The following CAMSAP2 variants were observed in gnomAD, a reference collection of about 807,000 sequenced individuals.
CAMSAP2 encodes calmodulin-regulated spectrin-associated protein 2.
CAMSAP2 carries 26 observed loss-of-function variants against 146.1 expected under a neutral mutation model. That is an observed-to-expected ratio of 0.18 (90% CI 0.13 to 0.25). The LOEUF (loss-of-function observed/expected upper bound fraction) is 0.25. Among genes scored for constraint, CAMSAP2 ranks in the 10% least tolerant of loss-of-function variants. The probability of loss-of-function intolerance (pLI) is 1.00; values close to 1 mark genes in which losing one functional copy is unlikely to be tolerated. For synonymous variants in CAMSAP2, 499 were observed against 596.6 expected, an observed-to-expected ratio of 0.84 and a Z score of 2.38; for missense variants, 1,381 against 1,759.3, an observed-to-expected ratio of 0.78 and a Z score of 3.85.
At chr1:200,764,986 C>A (rs1163080829) in intron 2 of CAMSAP2, among the ~76,000 whole-genome samples, 1 of 151,992 alleles carries the variant, frequency 6.6e-6, no homozygotes, top group Non-Finnish European at 1.5e-5. Context: ...CACCTGTAAT[C>A]CCAGCTACAT....
intron 4 of CAMSAP2, chr1:200,828,684 G>A: frequency 3.1e-6 from 4 of 1,286,464 alleles, no homozygotes; most frequent in South Asian, 1.3e-5. Context: ...TGCTGTTAAA[G>A]TCATTTCATG....
At chr1:200,748,887 C>G (rs1664419950) in intron 1 of CAMSAP2, among the ~76,000 whole-genome samples, 1 of 151,686 alleles carries the variant, frequency 6.6e-6, no homozygotes, top group Non-Finnish European at 1.5e-5. Context: ...AATAAATTTC[C>G]CTTTATTATT....
intron 2 of CAMSAP2, among the ~76,000 whole-genome samples, chr1:200,763,268 G>T (rs980662378): frequency 2.6e-5 from 4 of 152,154 alleles, no homozygotes; most frequent in African/African-American, 9.7e-5. Context: ...GCTGGGTGTG[G>T]TAGCTCACGC....
rs1049820411 is a variant in CAMSAP2 at position 200,828,734 on chromosome 1, T to C, written c.646-3466T>C. 7 of 842,664 alleles carry C rather than the reference T, an allele frequency of 8.3e-6. No individual in the cohort carries two copies. In the Admixed American group the frequency reaches 1.6e-4, roughly 19 times the overall value. 52.2% of individuals were successfully genotyped at this position (842,664 alleles called of 1,614,324 possible). On this transcript the variant is annotated intron_variant, in intron 4 of 16. Coordinates refer to ENST00000358823, the MANE Select transcript of CAMSAP2 (RefSeq NM_203459.4). ...ATTGAATAGAGATTGGATTTTAAGG[T>C]CATGTAAAATGGAAAGATAAAAGAT... is the stretch of plus-strand genomic sequence containing the variant.
At chr1:200,781,253 T>C (rs1665420415) in intron 2 of CAMSAP2, among the ~76,000 whole-genome samples, 1 of 152,224 alleles carries the variant, frequency 6.6e-6, no homozygotes, top group African/African-American at 2.4e-5. Flanking sequence ...GTACGGCATA[T>C]GTGACTGTTT....
At chr1:200,828,857 TA>T (rs904722121) in intron 4 of CAMSAP2, among the ~76,000 whole-genome samples, 79 of 145,380 alleles carry the variant, frequency 5.4e-4, no homozygotes, top group Admixed American at 8.3e-4. Context: ...GTAAGTAGGT[TA>T]AAAAAAAAAA....
Position 200,857,391 on chromosome 1 carries a change from A to G in CAMSAP2, c.4098A>G (p.Lys1366=). Residue 1366 remains lysine (K), a synonymous_variant, in exon 16 of 17, where the codon AAA becomes AAG. Transcript: ENST00000358823. The surrounding 1 kb of genome is among the most constrained non-coding windows in gnomAD (Gnocchi z 4.7). ...TAGCTCATTGCTGTTTGGCTGGAAAAGTAAATGAAGGTCAGAAGAAAAAAA... is the reference window on the plus strand; with the variant it reads ...TAGCTCATTGCTGTTTGGCTGGAAAGGTAAATGAAGGTCAGAAGAAAAAAA... ...NALAHCCLAG[K]VNEGQKKKIL... 1 of 1,613,460 alleles carries G rather than the reference A, an allele frequency of 6.2e-7. No homozygotes were observed. The highest frequency in any genetic ancestry group is 1.1e-5 in the South Asian group (1 of 91,054).
intron 4 of CAMSAP2, among the ~76,000 whole-genome samples, chr1:200,816,802 G>T (rs1235674098): frequency 1.1e-5 from 1 of 89,900 alleles, no homozygotes; most frequent in Non-Finnish European, 2.1e-5. Flanking sequence ...ACACACACAC[G>T]CGTGTATATA....
chr1:200,759,058 C>T (rs993702707), intron 1 of CAMSAP2, among the ~76,000 whole-genome samples: 4 of 152,106 alleles, frequency 2.6e-5, no homozygotes, highest in African/African-American at 7.2e-5. Flanking sequence ...ACAAAGTCCT[C>T]GTGTTTAAAA....
Position 200,857,204 on chromosome 1 carries a change from A to G in CAMSAP2, c.4013-102A>G. The G allele has an allele frequency of 2.4e-6, 2 of 847,668 alleles. No individual in the cohort carries two copies. The highest frequency in any genetic ancestry group is 3.8e-6 in the Non-Finnish European group (2 of 526,044). The allele number at this position is 847,668 out of a possible 1,614,324, so 52.5% of individuals were successfully genotyped here. A position where few individuals can be genotyped will look rare whatever the true frequency, so the allele number is the denominator to read the frequency against. On this transcript the variant is annotated intron_variant, in intron 15 of 16. Transcript: ENST00000358823. This position sits in a 1 kb window ranked among gnomAD's most constrained non-coding sequence, Gnocchi z 4.7. ...TAAGCACAGAATTTGGTCTTCTATT[A>G]CAATATTTCAGCAGTGTAGGAACAA...
intron 11 of CAMSAP2, among the ~76,000 whole-genome samples, chr1:200,852,083 T>TA (rs1667633645): frequency 6.6e-6 from 1 of 152,212 alleles, no homozygotes; most frequent in East Asian, 1.9e-4. Flanking sequence ...TACCTCAACT[T>TA]AAAATCATGC....
At chr1:200,824,026 G>C (rs140003518) in intron 4 of CAMSAP2, among the ~76,000 whole-genome samples, 1 of 152,192 alleles carries the variant, frequency 6.6e-6, no homozygotes, top group Admixed American at 6.5e-5. Context: ...GGTTGGCTTT[G>C]GTATCTCTTG....
chr1:200,786,609 C>T (rs1333669335), intron 2 of CAMSAP2, among the ~76,000 whole-genome samples: 3 of 152,206 alleles, frequency 2.0e-5, no homozygotes, highest in African/African-American at 7.2e-5. Flanking sequence ...GTCTGGAACT[C>T]GACCTCAGGT....
Position 200,850,321 on chromosome 1 carries a change from GCTT to G in CAMSAP2, c.3465+91_3465+93del, listed in dbSNP as rs1667588585. 5 of 1,152,662 alleles carry G rather than the reference GCTT, an allele frequency of 4.3e-6. No individual in the cohort carries two copies. In the South Asian group the frequency reaches 8.7e-5, roughly 20 times the overall value. 71.4% of individuals were successfully genotyped at this position (1,152,662 alleles called of 1,614,324 possible). Reference sequence around the variant, plus strand: ...ATTTTTTTTTTCAGTTGACATGCTTGCTTCTTTCAGTAGCAGTCCCTTTTGATA... The same window carrying G: ...ATTTTTTTTTTCAGTTGACATGCTTGCTTTCAGTAGCAGTCCCTTTTGATA... On this transcript the variant is annotated intron_variant, in intron 11 of 16. Coordinates refer to ENST00000358823, the MANE Select transcript of CAMSAP2 (RefSeq NM_203459.4).
intron 4 of CAMSAP2, among the ~76,000 whole-genome samples, chr1:200,816,756 ATG>A (rs199795256): frequency 9.4e-5 from 12 of 127,930 alleles, no homozygotes; most frequent in East Asian, 4.9e-4. Context: ...GCGTGTATAT[ATG>A]TGTGTACACA....
chr1:200,855,179 A>G (rs1209417463), intron 14 of CAMSAP2, among the ~76,000 whole-genome samples: 2 of 152,116 alleles, frequency 1.3e-5, no homozygotes, highest in African/African-American at 4.8e-5. Context: ...ATACATCAGT[A>G]ATTGCTAACA....
At chr1:200,794,409 G>C (rs1174459144) in intron 2 of CAMSAP2, among the ~76,000 whole-genome samples, 1 of 152,118 alleles carries the variant, frequency 6.6e-6, no homozygotes, top group African/African-American at 2.4e-5. Flanking sequence ...GGAACCAGCT[G>C]TTTTCTGTGA....
At chr1:200,841,730 C>G (rs192337504) in intron 6 of CAMSAP2, among the ~76,000 whole-genome samples, 1 of 152,168 alleles carries the variant, frequency 6.6e-6, no homozygotes, top group East Asian at 1.9e-4. Flanking sequence ...TCTCAGTGTT[C>G]TACACAGTTA....
chr1:200,741,650 T>C (rs1664180369), intron 1 of CAMSAP2, among the ~76,000 whole-genome samples: 1 of 152,216 alleles, frequency 6.6e-6, no homozygotes, highest in Non-Finnish European at 1.5e-5. Flanking sequence ...AATTTTGCCA[T>C]GCATACACAA....
Sources: gnomAD v4.1 joint callset for allele counts (sites outside exome capture counted in the v4.1 genomes callset) on GRCh38, gnomAD v4.1.1 for gene constraint, Gnocchi (gnomAD v3.1) non-coding constraint, MANE v1.5 for transcripts, NCBI Gene and HGNC (gene_info 2026-07-23, HGNC 2026-07-21) for gene names.